PAPLN: variants seen among roughly 807,000 people sequenced by gnomAD.
PAPLN encodes papilin, proteoglycan like sulfated glycoprotein.
In PAPLN, 146 loss-of-function variants were observed where a neutral mutation model predicts 159.0. The observed-to-expected ratio is 0.92, with a 90% CI of 0.80 to 1.05. The LOEUF (loss-of-function observed/expected upper bound fraction) is 1.05. Ranked by LOEUF, PAPLN falls within the 50% of genes least tolerant of loss-of-function variation. PAPLN has a pLI of 0.00. For missense variants in PAPLN, 1,720 were observed against 1,743.9 expected (o/e 0.99, Z 0.24); for synonymous variants, 734 against 702.9 (o/e 1.04, Z -0.70).
intron 2 of PAPLN, 127 bp from the exon 3 acceptor site, chr14:73,244,517 G>A (rs1469338154): frequency 2.7e-6 from 2 of 747,278 alleles, no homozygotes; most frequent in Non-Finnish European, 4.5e-6. Context: ...CTAAAGGTGG[G>A]CCCTGGAAGG....
rs745387920 is a variant in PAPLN at position 73,254,932 on chromosome 14, G to A, written c.1541G>A (p.Gly514Glu). 5 of 1,613,436 alleles carry A rather than the reference G, an allele frequency of 3.1e-6. No individual in the cohort carries two copies. In the South Asian group the frequency reaches 5.5e-5, roughly 18 times the overall value. ...AGGCGACAGGTCATCTGTGCCATTGGGCCGCCCAGCCACTGCGGGAGCCTG... is the reference window on the plus strand; with the variant it reads ...AGGCGACAGGTCATCTGTGCCATTGAGCCGCCCAGCCACTGCGGGAGCCTG... ...TRRRQVICAI[G>E]PPSHCGSLQH... Residue 514 changes from glycine to glutamate, a missense_variant, in exon 14 of 27, where the codon GGG becomes GAG. By Grantham distance (98) the Gly-to-Glu change is moderately conservative. Coordinates refer to ENST00000644200, the MANE Select transcript of PAPLN (RefSeq NM_001365906.3).
chr14:73,268,065 C>T (rs78525651), intron 25 of PAPLN, among the ~76,000 whole-genome samples: 50 of 152,052 alleles, frequency 3.3e-4, no homozygotes, highest in Non-Finnish European at 6.0e-4. Context: ...TTTACGTGAC[C>T]TGTAGTGTCG....
intron 5 of PAPLN, among the ~76,000 whole-genome samples, chr14:73,249,289 A>T (rs1001239803): frequency 1.3e-5 from 2 of 152,228 alleles, no homozygotes; most frequent in African/African-American, 4.8e-5. Context: ...CTGTGTTTTA[A>T]GCATCTTCCC....
At position 73,253,291 on chromosome 14, in the gene PAPLN, G is replaced by A. The variant is rs564496712; in HGVS notation, c.1095-463G>A. 4.0e-5 allele frequency: 52 copies of A among 1,311,284 alleles called. No homozygotes were observed. The Admixed American group carries it at 9.4e-4, about 24-fold the overall frequency. 81.2% of individuals were successfully genotyped at this position (1,311,284 alleles called of 1,614,324 possible). A position where few individuals can be genotyped will look rare whatever the true frequency, so the allele number is the denominator to read the frequency against. On this transcript the variant is annotated intron_variant, in intron 11 of 26. Coordinates refer to ENST00000644200, the MANE Select transcript of PAPLN (RefSeq NM_001365906.3). ...ACCCTGTCACCGCTTGGCCTTGGTG[G>A]CAGCGGGCCTCCTGGGATGGTGGCG...
Position 73,264,552 on chromosome 14 carries a change from A to G in PAPLN, c.2987-36A>G, listed in dbSNP as rs201296466. 3.8e-6 allele frequency: 6 copies of G among 1,573,662 alleles called. No homozygotes were observed. In the African/African-American group the frequency reaches 6.9e-5, roughly 18 times the overall value. Reference sequence around the variant, plus strand: ...CCCTTCCTTCCACTCCCTTTTCCTCACAGCTCACACCTTGTTTCTCCTGGC... The same window carrying G: ...CCCTTCCTTCCACTCCCTTTTCCTCGCAGCTCACACCTTGTTTCTCCTGGC... On this transcript the variant is annotated intron_variant, in intron 21 of 26. Transcript: ENST00000644200.
intron 6 of PAPLN, 147 bp downstream of exon 6, chr14:73,250,261 G>A (rs897671693): frequency 8.9e-7 from 1 of 1,122,134 alleles, no homozygotes; most frequent in Non-Finnish European, 1.2e-6. Flanking sequence ...AGCTCCTAGG[G>A]TACCTTGCAG....
Position 73,265,477 on chromosome 14 carries a change from A to G in PAPLN, c.3233A>G (p.Gln1078Arg). ...EGFPPPAIEW[Q>R]RDGQPVSSPR... The stretch of plus-strand genomic sequence containing the variant: ...TTCCCGCCCCCAGCCATCGAGTGGC[A>G]GAGAGATGGGCAGCCTGTCTCTTCT... Residue 1078 changes from glutamine (Q) to arginine (R), a missense_variant, in exon 23 of 27, where the codon CAG becomes CGG. Coordinates refer to ENST00000644200, the MANE Select transcript of PAPLN (RefSeq NM_001365906.3). This position sits in a 1 kb window ranked among gnomAD's most constrained non-coding sequence, Gnocchi z 4.1. 6.2e-7 allele frequency: 1 copy of G among 1,613,930 alleles called. No individual in the cohort carries two copies. Among genetic ancestry groups the G allele is most frequent in the Non-Finnish European group, 8.5e-7 (1 of 1,180,006 alleles).
At chr14:73,236,431 G>A (rs759117645), upstream of PAPLN, among the ~76,000 whole-genome samples, 6 of 152,162 alleles carry the variant, frequency 3.9e-5, no homozygotes, top group Non-Finnish European at 8.8e-5. Flanking sequence ...GACATGCTGG[G>A]CACGGTGGCA....
At chr14:73,249,471 C>T (rs1161394460) in intron 5 of PAPLN, among the ~76,000 whole-genome samples, 4 of 151,990 alleles carry the variant, frequency 2.6e-5, no homozygotes, top group Admixed American at 6.6e-5. Context: ...GTCAGGAGTT[C>T]GAGACCAGCC....
chr14:73,264,292 C>G lies in PAPLN; in HGVS notation c.2943C>G (p.Thr981=), dbSNP rs747921019. ...CGGGCACCTACAGCTGTGGCAGCAC[C>G]CGGCCAGGCCGCGACTCCCAGAAGA... ...EDAGTYSCGS[T]RPGRDSQKIQ... is the part of the protein sequence containing the mutation. The change falls in exon 21 of 27, where the codon ACC becomes ACG. Residue 981 remains threonine, a synonymous_variant. Transcript: ENST00000644200. 17 of 1,613,852 alleles carry G rather than the reference C, an allele frequency of 1.1e-5. No individual in the cohort carries two copies. The African/African-American group carries it at 2.0e-4, about 19-fold the overall frequency.
In PAPLN at chr14:73,250,901, C is replaced by A; in HGVS notation, c.466-6C>A. On this transcript the variant is annotated splice_region_variant and splice_polypyrimidine_tract_variant and intron_variant, in intron 6 of 26. Coordinates refer to ENST00000644200, the MANE Select transcript of PAPLN (RefSeq NM_001365906.3). ...TCTCCCCTGCCTCCCGCATCTCTGC[C>A]CACAGGTTGTCGGCTGTGATCACGA... 2 of 1,610,188 alleles carry A rather than the reference C, an allele frequency of 1.2e-6. No individual in the cohort carries two copies. The highest frequency in any genetic ancestry group is 1.7e-5 in the Admixed American group (1 of 59,756).
In PAPLN at chr14:73,264,583, G is replaced by GAC. The variant is rs909621499; in HGVS notation, c.2987-3_2987-2dup. On this transcript the variant is annotated splice_polypyrimidine_tract_variant and splice_region_variant and intron_variant, in intron 21 of 26. Transcript: ENST00000644200. ...CACACCTTGTTTCTCCTGGCCTCAT[G>GAC]ACAGGGGGTGACATGGCCGTGCTGT... 2.5e-6 allele frequency: 4 copies of GAC among 1,595,988 alleles called. No homozygotes were observed. The African/African-American group carries it at 4.1e-5, about 16-fold the overall frequency.
chr14:73,265,182 G>A lies in PAPLN; in HGVS notation c.3126-188G>A, dbSNP rs1445103524. 6.6e-6 allele frequency among the ~76,000 whole-genome samples: 1 copy of A among 152,140 alleles called. No homozygotes were observed. The highest frequency in any genetic ancestry group is 1.5e-5 in the Non-Finnish European group (1 of 67,998). The stretch of plus-strand genomic sequence containing the variant: ...AGGGGCAGGGAGTGGTAGTGGCGGG[G>A]AGGCAGCTTTAGACTTCACCCCAGG... On this transcript the variant is annotated intron_variant, in intron 22 of 26. Coordinates refer to ENST00000644200, the MANE Select transcript of PAPLN (RefSeq NM_001365906.3). This position sits in a 1 kb window ranked among gnomAD's most constrained non-coding sequence, Gnocchi z 4.1.
intron 21 of PAPLN, 97 bp from the exon 22 acceptor site, chr14:73,264,491 C>A: frequency 2.0e-6 from 3 of 1,522,810 alleles, no homozygotes; most frequent in Non-Finnish European, 2.6e-6. Context: ...CTGTGGCCCT[C>A]ATTTCTCCGT....
rs1431295457 is a variant in PAPLN at position 73,262,686 on chromosome 14, A to G, written c.2582A>G (p.Asp861Gly). Reference protein sequence around the residue: ...PWPSGGLWRQDQQPGPGEAPH... With the variant: ...PWPSGGLWRQGQQPGPGEAPH... ...CCTTCTGGTGGTCTCTGGCGGCAAG[A>G]CCAACAGCCTGGGCCAGGGGAGGCC... The change falls in exon 19 of 27, where the codon GAC becomes GGC. Residue 861 changes from aspartate (D) to glycine (G), a missense_variant. Physicochemically the swap from Asp to Gly is moderately conservative, Grantham distance 94 (BLOSUM62 -1). Transcript: ENST00000644200. The G allele has an allele frequency of 6.6e-7, 1 of 1,511,610 alleles. No homozygotes were observed. Among genetic ancestry groups the G allele is most frequent in the East Asian group, 2.3e-5 (1 of 43,474 alleles). The allele number at this position is 1,511,610 out of a possible 1,614,324, so 93.6% of individuals were successfully genotyped here.
chr14:73,246,397 ATTTTTTTTTTTTT>A (rs531973214), intron 5 of PAPLN, among the ~76,000 whole-genome samples: 5 of 84,654 alleles, frequency 5.9e-5, no homozygotes, highest in African/African-American at 8.8e-5. Context: ...TACCCGACCA[ATTTTTTTTTTTTT>A]TTTTTTTTTT....
intron 14 of PAPLN, among the ~76,000 whole-genome samples, chr14:73,257,195 C>T (rs932074201): frequency 2.0e-5 from 3 of 152,260 alleles, no homozygotes; most frequent in South Asian, 2.1e-4. Flanking sequence ...CGGTCTTCAT[C>T]TCCTGGGCTC....
chr14:73,267,275 G>C (rs1887320252), intron 25 of PAPLN, among the ~76,000 whole-genome samples: 1 of 152,130 alleles, frequency 6.6e-6, no homozygotes, highest in Admixed American at 6.5e-5. Context: ...TCAGCTTTGG[G>C]GACTTTGGTG....
In PAPLN at chr14:73,245,851, TC is replaced by T. The variant is rs1173286009; in HGVS notation, c.231+157del. On this transcript the variant is annotated intron_variant, in intron 4 of 26. Coordinates refer to ENST00000644200, the MANE Select transcript of PAPLN (RefSeq NM_001365906.3). This position sits in a 1 kb window ranked among gnomAD's most constrained non-coding sequence, Gnocchi z 4.2. ...ACAGCAGGGCTGCGTGGGGGCCCCT[TC>T]CTCACCCTGCTCCCGGGGACTGGCC... 5 of 1,025,284 alleles carry T rather than the reference TC, an allele frequency of 4.9e-6. No individual in the cohort carries two copies. Among genetic ancestry groups the T allele is most frequent in the Non-Finnish European group, 7.0e-6 (5 of 712,670 alleles). The allele number at this position is 1,025,284 out of a possible 1,614,324, so 63.5% of individuals were successfully genotyped here.
Sources: allele counts gnomAD v4.1 joint callset (sites outside exome capture counted in the v4.1 genomes callset), GRCh38; gene constraint gnomAD v4.1.1; non-coding constraint Gnocchi (gnomAD v3.1); transcripts MANE v1.5; gene names NCBI Gene and HGNC (gene_info 2026-07-23, HGNC 2026-07-21).